Variants in CHRNA4 observed in about 807,000 individuals in gnomAD.
The protein encoded by CHRNA4 is neuronal acetylcholine receptor subunit alpha-4.
Under a neutral mutation model 48.9 loss-of-function variants are expected in CHRNA4, and 28 were observed. The observed-to-expected ratio is 0.57, with a 90% CI of 0.42 to 0.79. CHRNA4 has a LOEUF of 0.79. Ranked by LOEUF, CHRNA4 falls within the 30% of genes least tolerant of loss-of-function variation. The pLI is 0.00. For synonymous variants in CHRNA4, 425 were observed against 402.3 expected, an observed-to-expected ratio of 1.06 and a Z score of -0.68; for missense variants, 859 against 898.4, an observed-to-expected ratio of 0.96 and a Z score of 0.56.
At chr20:63,346,937 C>T in intron 5 of CHRNA4, 74 bp from the exon 6 acceptor site, 2 of 1,601,234 alleles carry the variant, frequency 1.2e-6, no homozygotes, top group East Asian at 4.5e-5. Context: ...GACCCCGGCG[C>T]CGCCGGCAAC....
In CHRNA4 at chr20:63,350,205, G is replaced by T. The variant is rs751350923; in HGVS notation, c.1206C>A (p.His402Gln). 4.4e-6 allele frequency: 7 copies of T among 1,603,208 alleles called. No individual in the cohort carries two copies. The highest frequency in any genetic ancestry group is 6.0e-6 in the Non-Finnish European group (7 of 1,174,758). Residue 402 changes from histidine (H) to glutamine (Q), a missense_variant, in exon 5 of 6, where the codon CAC (histidine) becomes CAA (glutamine). Physicochemically the swap from His to Gln is conservative, Grantham distance 24. Transcript: ENST00000370263. ...GGACACAGAAGGACGGTGAGGGCGG[G>T]TGCAGGCTCTGGGTGCCGCTCGTGG... ...PPATSGTQSL[H>Q]PPSPSFCVPL...
intron 2 of CHRNA4, chr20:63,359,264 C>T (rs2068764279): frequency 2.1e-6 from 1 of 480,278 alleles, no homozygotes; most frequent in Non-Finnish European, 3.8e-6. Flanking sequence ...CTGTTCTTTG[C>T]TTCCGAAGGT....
Position 63,359,670 on chromosome 20 carries a change from C to T in CHRNA4, c.106G>A (p.Ala36Thr). ...AGTTTCTTCAGGAGCCGCTCCTCGG[C>T]GTGGGCCCGGGTCTCCACATGGCTG... Reference protein sequence around the residue: ...ASSHVETRAHAEERLLKKLFS... With the variant: ...ASSHVETRAHTEERLLKKLFS... The change falls in exon 2 of 6, where the codon GCC becomes ACC. Residue 36 changes from alanine (A) to threonine (T), a missense_variant. By Grantham distance (58) the Ala-to-Thr change is moderately conservative. Coordinates refer to ENST00000370263, the MANE Select transcript of CHRNA4 (RefSeq NM_000744.7). 3 of 1,611,698 alleles carry T rather than the reference C, an allele frequency of 1.9e-6. No individual in the cohort carries two copies. Among genetic ancestry groups the T allele is most frequent in the Non-Finnish European group, 2.5e-6 (3 of 1,179,890 alleles).
At chr20:63,359,274 TGC>T in intron 2 of CHRNA4, 1 of 512,654 alleles carries the variant, frequency 2.0e-6, no homozygotes, top group Non-Finnish European at 3.6e-6. Flanking sequence ...CTTCCGAAGG[TGC>T]CTGGGCTCTG....
intron 4 of CHRNA4, among the ~76,000 whole-genome samples, chr20:63,352,223 C>T (rs1253131910): frequency 3.3e-5 from 5 of 152,320 alleles, no homozygotes; most frequent in South Asian, 4.1e-4. Context: ...GCAGAGCTGG[C>T]GACTGTTCCC....
At chr20:63,353,715 T>C (rs1601484606) in intron 4 of CHRNA4, among the ~76,000 whole-genome samples, 1 of 36,162 alleles carries the variant, frequency 2.8e-5, no homozygotes, top group Non-Finnish European at 4.8e-5. Flanking sequence ...GGGGCTGCGG[T>C]CCTGGGGGGG....
rs756100070 is a variant in CHRNA4, at chr20:63,359,663, T to C, written c.113A>G (p.Glu38Gly). ...SHVETRAHAE[E>G]RLLKKLFSGY... ...GGAGAAGAGTTTCTTCAGGAGCCGC[T>C]CCTCGGCGTGGGCCCGGGTCTCCAC... Residue 38 changes from glutamate to glycine, a missense_variant, in exon 2 of 6, where the codon GAG becomes GGG. By Grantham distance (98) the Glu-to-Gly change is moderately conservative (BLOSUM62 -2). This residue lies in a region of CHRNA4 where 342 missense variants were observed against 365.3 expected (regional missense o/e 0.94). Transcript: ENST00000370263. 1.2e-6 allele frequency: 2 copies of C among 1,611,944 alleles called. No individual in the cohort carries two copies. Among genetic ancestry groups the C allele is most frequent in the African/African-American group, 2.7e-5 (2 of 75,010 alleles).
chr20:63,348,543 A>G (rs1568806665), intron 5 of CHRNA4, among the ~76,000 whole-genome samples: 1 of 152,140 alleles, frequency 6.6e-6, no homozygotes, highest in Non-Finnish European at 1.5e-5. Flanking sequence ...CGAATAAACC[A>G]TCGAGGATGG....
At chr20:63,355,324 G>A (rs970283505) in intron 4 of CHRNA4, 18 of 377,874 alleles carry the variant, frequency 4.8e-5, no homozygotes, top group South Asian at 2.3e-4. Context: ...CAGAAAACCC[G>A]TTTCCATGAC....
chr20:63,361,005 A>G (rs965976098), intron 1 of CHRNA4, 85 bp downstream of exon 1: 3 of 1,136,178 alleles, frequency 2.6e-6, no homozygotes, highest in Non-Finnish European at 3.4e-6. Flanking sequence ...GACCGCAGTC[A>G]GGAGCCTGCC....
Position 63,346,722 on chromosome 20 carries a change from G to A in CHRNA4, c.*16C>T. On this transcript the variant is annotated 3_prime_UTR_variant, in exon 6 of 6. Transcript: ENST00000370263. Reference sequence around the variant, plus strand: ...GTGCACGGCAGCCCCAGGCCACGCAGGCTCCCGGTCCCTTCCTAGATCATG... The same window carrying A: ...GTGCACGGCAGCCCCAGGCCACGCAAGCTCCCGGTCCCTTCCTAGATCATG... 1 of 1,602,364 alleles carries A rather than the reference G, an allele frequency of 6.2e-7. No homozygotes were observed.
chr20:63,356,499 A>G (rs2068721254), intron 2 of CHRNA4, 84 bp from the exon 3 acceptor site: 2 of 1,384,430 alleles, frequency 1.4e-6, no homozygotes, highest in African/African-American at 1.4e-5. Flanking sequence ...AGCCACTGGC[A>G]CAAGGACACG....
At chr20:63,360,252 C>G (rs1601497117) in intron 1 of CHRNA4, 1 of 165,278 alleles carries the variant, frequency 6.1e-6, no homozygotes, top group South Asian at 1.6e-4. Context: ...GGATCGGGCC[C>G]CCACAAGCGC....
chr20:63,345,626 A>G lies in CHRNA4; in HGVS notation c.*1112T>C, dbSNP rs1221725430. 2.2e-6 allele frequency: 1 copy of G among 453,744 alleles called. No homozygotes were observed. Among genetic ancestry groups the G allele is most frequent in the East Asian group, 7.0e-5 (1 of 14,366 alleles). 28.1% of individuals were successfully genotyped at this position (453,744 alleles called of 1,614,324 possible). On this transcript the variant is annotated 3_prime_UTR_variant, in exon 6 of 6. Coordinates refer to ENST00000370263, the MANE Select transcript of CHRNA4 (RefSeq NM_000744.7). This position sits in a 1 kb window ranked among gnomAD's most constrained non-coding sequence, Gnocchi z 5.4. ...GGGCATGGGCCTGTGTGGAAACCCC[A>G]GGGCTCCCTGACTCCCATGAGGCTT...
In CHRNA4 at chr20:63,361,116, AGCAGCAGCGGCG is replaced by A. The variant is rs1064794327; in HGVS notation, c.38_49del (p.Pro13_Leu16del). ...GCGCAGGAGGCCGGTCCCCAGAAGC[AGCAGCAGCGGCG>A]GCAGCAGCCGCGGCGCTCCGGGGCC... On this transcript the variant is annotated inframe_deletion, in exon 1 of 6. Coordinates refer to ENST00000370263, the MANE Select transcript of CHRNA4 (RefSeq NM_000744.7). The A allele has an allele frequency of 2.7e-6, 4 of 1,478,418 alleles. No individual in the cohort carries two copies. Among genetic ancestry groups the A allele is most frequent in the Non-Finnish European group, 3.6e-6 (4 of 1,120,600 alleles). 91.6% of individuals were successfully genotyped at this position (1,478,418 alleles called of 1,614,324 possible).
chr20:63,356,463 C>T (rs1255229863), intron 2 of CHRNA4, 48 bp from the exon 3 acceptor site: 2 of 1,554,930 alleles, frequency 1.3e-6, no homozygotes, highest in South Asian at 2.3e-5. Flanking sequence ...TGGTGTCTTT[C>T]TCTGGCCCTA....
intron 2 of CHRNA4, 119 bp from the exon 3 acceptor site, chr20:63,356,534 G>T: frequency 9.2e-7 from 1 of 1,088,350 alleles, no homozygotes. Context: ...TGGTGGACGG[G>T]CGACCTGTGG....
intron 4 of CHRNA4, 158 bp from the exon 5 acceptor site, chr20:63,351,185 GTCCCACGCCCACAT>G (rs2068600629): frequency 2.2e-6 from 1 of 447,676 alleles, no homozygotes; most frequent in African/African-American, 3.7e-5. Flanking sequence ...CCACATCCAT[GTCCCACGCCCACAT>G]CCACACCCAC....
At chr20:63,355,361 C>G (rs1458805146) in intron 4 of CHRNA4, 6 of 474,238 alleles carry the variant, frequency 1.3e-5, no homozygotes, top group Non-Finnish European at 2.1e-5. Context: ...CTCCTAGGAG[C>G]CTGACATGGG....
Sources: allele counts gnomAD v4.1 joint callset (sites outside exome capture counted in the v4.1 genomes callset), GRCh38; gene constraint gnomAD v4.1.1; regional missense constraint gnomAD v4.1.1; non-coding constraint Gnocchi (gnomAD v3.1); transcripts MANE v1.5; gene names NCBI Gene and HGNC (gene_info 2026-07-23, HGNC 2026-07-21).